The following AHNAK variants were observed in gnomAD, a reference collection of about 807,000 sequenced individuals.
AHNAK encodes AHNAK nucleoprotein, also known as neuroblast differentiation-associated protein AHNAK.
Under a neutral mutation model 37.8 loss-of-function variants are expected in AHNAK, and 23 were observed. That is an observed-to-expected ratio of 0.61 (90% CI 0.44 to 0.86). The LOEUF (loss-of-function observed/expected upper bound fraction) is 0.86. AHNAK is among the 40% of genes least tolerant of loss of function. The pLI is 0.00. For synonymous variants in AHNAK, 2,481 were observed against 2,636.3 expected (o/e 0.94, Z 1.80); for missense variants, 7,411 against 7,319.4 (o/e 1.01, Z -0.46).
intron 4 of AHNAK, among the ~76,000 whole-genome samples, chr11:62,496,135 A>G (rs1396916541): frequency 6.6e-6 from 1 of 152,176 alleles, no homozygotes; most frequent in African/African-American, 2.4e-5. Flanking sequence ...TGGACTAAAT[A>G]AAGGAGTAGG....
In AHNAK at chr11:62,520,055, A is replaced by T; in HGVS notation, c.14362T>A (p.Phe4788Ile). The T allele has an allele frequency of 6.2e-7, 1 of 1,612,500 alleles. No homozygotes were observed. Among genetic ancestry groups the T allele is most frequent in the Non-Finnish European group, 8.5e-7 (1 of 1,179,652 alleles). The change falls in exon 5 of 5, where the codon TTC becomes ATC. Residue 4788 changes from phenylalanine to isoleucine, a missense_variant. Coordinates refer to ENST00000378024, the MANE Select transcript of AHNAK (RefSeq NM_001620.3). ...TCTCCTTTGAAGCCAGGCATGCTGAATTTGGGCATTTTCACCTTGGGCATC... is the reference window on the plus strand; with the variant it reads ...TCTCCTTTGAAGCCAGGCATGCTGATTTTGGGCATTTTCACCTTGGGCATC... Reference protein sequence around the residue: ...LKMPKVKMPKFSMPGFKGEGP... With the variant: ...LKMPKVKMPKISMPGFKGEGP...
chr11:62,438,253 G>A (rs184156160), intron 5 of AHNAK, among the ~76,000 whole-genome samples: 1,082 of 89,826 alleles, frequency 0.012, 8 homozygotes, highest in Non-Finnish European at 0.018. Context: ...GTGTGATCTC[G>A]GCTCACTGCA....
chr11:62,458,057 G>A (rs1938703326), intron 5 of AHNAK, among the ~76,000 whole-genome samples: 1 of 151,564 alleles, frequency 6.6e-6, no homozygotes, highest in African/African-American at 2.4e-5. Context: ...GGGATTACAG[G>A]TGCCCGGCAA....
In AHNAK at chr11:62,522,017, C is replaced by T; in HGVS notation, c.12400G>A (p.Val4134Ile). 1 of 1,613,890 alleles carries T rather than the reference C, an allele frequency of 6.2e-7. No individual in the cohort carries two copies. Among genetic ancestry groups the T allele is most frequent in the Non-Finnish European group, 8.5e-7 (1 of 1,179,976 alleles). Reference sequence around the variant, plus strand: ...TTTGGACCTTTCAGATTCAGGTCAACTTCAGGCATAGAGATCTTCGGTGCC... The same window carrying T: ...TTTGGACCTTTCAGATTCAGGTCAATTTCAGGCATAGAGATCTTCGGTGCC... ...LKAPKISMPEVDLNLKGPKMK... is the reference protein window; with the variant it reads ...LKAPKISMPEIDLNLKGPKMK... The change falls in exon 5 of 5, where the codon GTT (valine) becomes ATT (isoleucine). Residue 4134 changes from valine to isoleucine, a missense_variant. Val to Ile is a conservative substitution (Grantham distance 29, BLOSUM62 3). Coordinates refer to ENST00000378024, the MANE Select transcript of AHNAK (RefSeq NM_001620.3).
Position 62,528,695 on chromosome 11 carries a change from G to A in AHNAK, c.5722C>T (p.Pro1908Ser), listed in dbSNP as rs774250805. The change falls in exon 5 of 5, where the codon CCT (proline) becomes TCT (serine). Residue 1908 changes from proline (P) to serine (S), a missense_variant. Physicochemically the swap from Pro to Ser is moderately conservative, Grantham distance 74. Coordinates refer to ENST00000378024, the MANE Select transcript of AHNAK (RefSeq NM_001620.3). ...LECPDAKLKG[P>S]KFKMPDMHFK... is the part of the protein sequence containing the mutation. ...TGCATGTCTGGCATCTTAAATTTAGGGCCTTTCAACTTTGCATCAGGACAC... is the reference window on the plus strand; with the variant it reads ...TGCATGTCTGGCATCTTAAATTTAGAGCCTTTCAACTTTGCATCAGGACAC... 2.1e-5 allele frequency: 33 copies of A among 1,608,732 alleles called. No individual in the cohort carries two copies. The highest frequency in any genetic ancestry group is 4.5e-5 in the East Asian group (2 of 44,770).
chr11:62,468,279 T>A (rs1938954964), intron 5 of AHNAK, among the ~76,000 whole-genome samples: 1 of 150,544 alleles, frequency 6.6e-6, no homozygotes. Context: ...ACCTGGGAGG[T>A]GGAGGTTGCA....
intron 4 of AHNAK, among the ~76,000 whole-genome samples, chr11:62,493,402 T>C (rs1232160630): frequency 1.2e-4 from 18 of 146,142 alleles, no homozygotes; most frequent in African/African-American, 4.5e-4. Flanking sequence ...ACAATCTCAC[T>C]GCAACCTCTG....
rs1241091392 is a variant in AHNAK, at chr11:62,517,269, C to G, written c.17148G>C (p.Lys5716Asn). 2 of 1,614,098 alleles carry G rather than the reference C, an allele frequency of 1.2e-6. No individual in the cohort carries two copies. Among genetic ancestry groups the G allele is most frequent in the African/African-American group, 1.3e-5 (1 of 75,000 alleles). The change falls in exon 5 of 5, where the codon AAG becomes AAC. Residue 5716 changes from lysine (K) to asparagine (N), a missense_variant. Transcript: ENST00000378024. ...TCCCTTTAGGTTTGGAAAAATTAAA[C>G]TTGGGCATTTTGATCTTGGACTTTT... Reference protein sequence around the residue: ...KLKKSKIKMPKFNFSKPKGKG... With the variant: ...KLKKSKIKMPNFNFSKPKGKG...
rs201628578 is a variant in AHNAK, at chr11:62,519,784, A to G, written c.14633T>C (p.Leu4878Ser). The G allele has an allele frequency of 6.8e-6, 11 of 1,613,312 alleles. No homozygotes were observed. The highest frequency in any genetic ancestry group is 9.3e-6 in the Non-Finnish European group (11 of 1,179,634). Residue 4878 changes from leucine to serine, a missense_variant, in exon 5 of 5, where the codon TTG becomes TCG. Leu to Ser is a moderately radical substitution (Grantham distance 145, BLOSUM62 -2). Coordinates refer to ENST00000378024, the MANE Select transcript of AHNAK (RefSeq NM_001620.3). ...TTTAAGATCTACTTCTGGGCCTTTC[A>G]AAGTCCCTTCAACCTTAGGGACAGA... is the stretch of plus-strand genomic sequence containing the variant. ...DVSVPKVEGTLKGPEVDLKGP... is the reference protein window; with the variant it reads ...DVSVPKVEGTSKGPEVDLKGP...
Position 62,526,768 on chromosome 11 carries a change from C to A in AHNAK, c.7649G>T (p.Gly2550Val). Reference protein sequence around the residue: ...DISGPKVDIEGPDVNIEGPEG... With the variant: ...DISGPKVDIEVPDVNIEGPEG... ...TGGTCCTTCAATATTAACATCAGGG[C>A]CTTCAATGTCCACCTTGGGTCCTGA... is the stretch of plus-strand genomic sequence containing the variant. The change falls in exon 5 of 5, where the codon GGC becomes GTC. Residue 2550 changes from glycine (G) to valine (V), a missense_variant. Coordinates refer to ENST00000378024, the MANE Select transcript of AHNAK (RefSeq NM_001620.3). The A allele has an allele frequency of 6.2e-7, 1 of 1,614,040 alleles. No homozygotes were observed. The highest frequency in any genetic ancestry group is 8.5e-7 in the Non-Finnish European group (1 of 1,180,022).
chr11:62,459,398 G>T (rs1460113197), intron 5 of AHNAK, among the ~76,000 whole-genome samples: 1 of 152,154 alleles, frequency 6.6e-6, no homozygotes, highest in Non-Finnish European at 1.5e-5. Context: ...AGCATCAGAG[G>T]GTCATCCCTG....
Position 62,517,082 on chromosome 11 carries a change from G to A in AHNAK, c.17335C>T (p.Arg5779Cys), listed in dbSNP as rs754046001. ...CTTTCATCACTGAATGAATTTGAGCGGTGCCGTGGCTTCTTACTTTTAAAT... is the reference window on the plus strand; with the variant it reads ...CTTTCATCACTGAATGAATTTGAGCAGTGCCGTGGCTTCTTACTTTTAAAT... ...SLFKSKKPRHRSNSFSDEREF... is the reference protein window; with the variant it reads ...SLFKSKKPRHCSNSFSDEREF... Residue 5779 changes from arginine (R) to cysteine (C), a missense_variant, in exon 5 of 5, where the codon CGC (arginine) becomes TGC (cysteine). Arg to Cys is a radical substitution (Grantham distance 180). Coordinates refer to ENST00000378024, the MANE Select transcript of AHNAK (RefSeq NM_001620.3). 40 of 1,613,850 alleles carry A rather than the reference G, an allele frequency of 2.5e-5. No homozygotes were observed. Among genetic ancestry groups the A allele is most frequent in the Non-Finnish European group, 2.9e-5 (34 of 1,179,994 alleles).
In AHNAK at chr11:62,527,580, C is replaced by G; in HGVS notation, c.6837G>C (p.Val2279=). The G allele has an allele frequency of 6.2e-7, 1 of 1,613,384 alleles. No individual in the cohort carries two copies. The highest frequency in any genetic ancestry group is 8.5e-7 in the Non-Finnish European group (1 of 1,179,874). Residue 2279 remains valine, a synonymous_variant, in exon 5 of 5, where the codon GTG becomes GTC. Transcript: ENST00000378024. ...KADVDVSGPK[V]DVEVPDVSLE... ...GGCTCACATCTGGGACTTCAACATCCACCTTGGGTCCTGAGACATCAACGT... is the reference window on the plus strand; with the variant it reads ...GGCTCACATCTGGGACTTCAACATCGACCTTGGGTCCTGAGACATCAACGT...
chr11:62,467,411 G>A (rs868818667), intron 5 of AHNAK, among the ~76,000 whole-genome samples: 68 of 152,218 alleles, frequency 4.5e-4, no homozygotes, highest in African/African-American at 1.5e-3. Flanking sequence ...GAGGCTTGGC[G>A]CAGTGGCTCA....
downstream of AHNAK, among the ~76,000 whole-genome samples, chr11:62,514,411 T>C (rs986467919): frequency 1.3e-5 from 2 of 152,218 alleles, no homozygotes; most frequent in African/African-American, 4.8e-5. Flanking sequence ...CAGACGGTGA[T>C]GTGTGCAGTT....
chr11:62,530,083 C>T lies in AHNAK; in HGVS notation c.4334G>A (p.Ser1445Asn), dbSNP rs148312144. Reference sequence around the variant, plus strand: ...TATGGATATCTTCTGAGGCTTTATACTCATTTCTGGCATCTTGAATTTGGG... The same window carrying T: ...TATGGATATCTTCTGAGGCTTTATATTCATTTCTGGCATCTTGAATTTGGG... ...KGPKFKMPEM[S>N]IKPQKISIPD... The change falls in exon 5 of 5, where the codon AGT becomes AAT. Residue 1445 changes from serine (S) to asparagine (N), a missense_variant. Transcript: ENST00000378024. 6.3e-4 allele frequency: 1,015 copies of T among 1,613,920 alleles called. No individual in the cohort carries two copies. Among genetic ancestry groups the T allele is most frequent in the Non-Finnish European group, 8.3e-4 (978 of 1,179,918 alleles).
At chr11:62,472,692 C>A (rs1180740912) in intron 5 of AHNAK, among the ~76,000 whole-genome samples, 3 of 152,086 alleles carry the variant, frequency 2.0e-5, no homozygotes, top group African/African-American at 7.2e-5. Flanking sequence ...ACTACCAGGG[C>A]CCTTTGCTTA....
Position 62,529,599 on chromosome 11 carries a change from T to C in AHNAK, c.4818A>G (p.Gly1606=), listed in dbSNP as rs1940647217. The C allele has an allele frequency of 6.2e-7, 1 of 1,614,168 alleles. No homozygotes were observed. Among genetic ancestry groups the C allele is most frequent in the Non-Finnish European group, 8.5e-7 (1 of 1,180,032 alleles). ...DVDVSLPKVE[G]DLKGPEIDVK... is the part of the protein sequence containing the mutation. ...CATCAATTTCAGGACCCTTCAAGTC[T>C]CCTTCCACTTTGGGAAGGGAAACAT... The change falls in exon 5 of 5, where the codon GGA becomes GGG. Residue 1606 remains glycine, a synonymous_variant. Transcript: ENST00000378024.
intron 5 of AHNAK, among the ~76,000 whole-genome samples, chr11:62,468,378 A>ATT: frequency 6.7e-6 from 1 of 149,952 alleles, no homozygotes; most frequent in Non-Finnish European, 1.5e-5. Flanking sequence ...AAAAATATAT[A>ATT]TATATATGGG....
Sources: gnomAD v4.1 joint callset for allele counts (sites outside exome capture counted in the v4.1 genomes callset) on GRCh38, gnomAD v4.1.1 for gene constraint, MANE v1.5 for transcripts, NCBI Gene and HGNC (gene_info 2026-07-23, HGNC 2026-07-21) for gene names.